Variants in PSD observed in about 807,000 individuals in gnomAD.
The protein encoded by PSD is PH and SEC7 domain-containing protein 1.
In PSD, 32 loss-of-function variants were observed where a neutral mutation model predicts 91.6. That is an observed-to-expected ratio of 0.35 (90% CI 0.26 to 0.47). PSD has a LOEUF of 0.47. Ranked by LOEUF, PSD falls within the 20% of genes least tolerant of loss-of-function variation. PSD has a pLI of 1.00. For missense variants in PSD, 1,099 were observed against 1,373.9 expected (o/e 0.80, Z 3.16); for synonymous variants, 532 against 569.3 (o/e 0.93, Z 0.93).
In PSD at chr10:102,403,298, T is replaced by G. The variant is rs750387974; in HGVS notation, c.2977A>C (p.Ser993Arg). ...TEDGLPPSHS[S>R]PSLQPKPSSQ... ...GAGGGTTTGGGCTGCAGGGAGGGAC[T>G]GGAGTGAGAAGGAGGGAGTCCATCC... Residue 993 changes from serine to arginine, a missense_variant, in exon 17 of 17, where the codon AGT (serine) becomes CGT (arginine). By Grantham distance (110) the Ser-to-Arg change is moderately radical. Coordinates refer to ENST00000020673, the MANE Select transcript of PSD (RefSeq NM_002779.5). This position sits in a 1 kb window ranked among gnomAD's most constrained non-coding sequence, Gnocchi z 6.7. 2.5e-6 allele frequency: 4 copies of G among 1,613,978 alleles called. No homozygotes were observed. In the South Asian group the frequency reaches 4.4e-5, roughly 18 times the overall value.
chr10:102,415,327 G>A, intron 3 of PSD, 98 bp from the exon 4 acceptor site: 1 of 1,398,390 alleles, frequency 7.2e-7, no homozygotes, highest in Non-Finnish European at 9.5e-7. Context: ...CATATTGACA[G>A]GAAGTTCTTT....
rs1374224137 is a variant in PSD at position 102,404,289 on chromosome 10, A to G, written c.2700+294T>C. Among the ~76,000 whole-genome samples, 2 of 149,666 alleles carry G rather than the reference A, an allele frequency of 1.3e-5. No homozygotes were observed. Among genetic ancestry groups the G allele is most frequent in the Non-Finnish European group, 3.0e-5 (2 of 67,728 alleles). ...CGTGAACCCGGGAGGCAGAGCTTGC[A>G]GTGAGCTGAGATCGTGCCACGGCAC... On this transcript the variant is annotated intron_variant, in intron 15 of 16. Coordinates refer to ENST00000020673, the MANE Select transcript of PSD (RefSeq NM_002779.5). The surrounding 1 kb of genome is among the most constrained non-coding windows in gnomAD (Gnocchi z 5.7).
rs1245481451 is a variant in PSD at position 102,415,157 on chromosome 10, A to G, written c.830T>C (p.Val277Ala). The change falls in exon 4 of 17, where the codon GTG becomes GCG. Residue 277 changes from valine (V) to alanine (A), a missense_variant. This residue lies in a region of PSD where 631 missense variants were observed against 728.8 expected (regional missense o/e 0.87). Transcript: ENST00000020673. The stretch of plus-strand genomic sequence containing the variant: ...CTCGGAGTACTTGGCTGCTCGCCCC[A>G]CAGCCACCCCAGAGCCCTGCCTTGA... ...VGSRQGSGVAVGRAAKYSETD... is the reference protein window; with the variant it reads ...VGSRQGSGVAAGRAAKYSETD... 6.2e-7 allele frequency: 1 copy of G among 1,613,310 alleles called. No homozygotes were observed. Among genetic ancestry groups the G allele is most frequent in the Non-Finnish European group, 8.5e-7 (1 of 1,180,010 alleles).
chr10:102,407,132 C>G (rs948182055), intron 11 of PSD, 91 bp downstream of exon 11: 9 of 1,222,268 alleles, frequency 7.4e-6, no homozygotes, highest in African/African-American at 1.6e-5. Context: ...CCCCTACCCC[C>G]ACCCAGGGCC....
rs966724924 is a variant in PSD, at chr10:102,406,000, C to G, written c.2136-464G>C. The G allele has an allele frequency of 6.2e-6, 1 of 161,356 alleles. No individual in the cohort carries two copies. The highest frequency in any genetic ancestry group is 1.4e-5 in the Non-Finnish European group (1 of 73,444). 10.0% of individuals were successfully genotyped at this position (161,356 alleles called of 1,614,324 possible). A position where few individuals can be genotyped will look rare whatever the true frequency, so the allele number is the denominator to read the frequency against. On this transcript the variant is annotated intron_variant, in intron 11 of 16. Transcript: ENST00000020673. This position sits in a 1 kb window ranked among gnomAD's most constrained non-coding sequence, Gnocchi z 5.4. ...CCTGGTCTACAGGCTCAGTCAGATA[C>G]AAAATTTCGGATTCTATCTTGTCAC...
Position 102,415,113 on chromosome 10 carries a change from G to A in PSD, c.874C>T (p.Pro292Ser), listed in dbSNP as rs1305319382. The A allele has an allele frequency of 1.2e-6, 2 of 1,613,744 alleles. No individual in the cohort carries two copies. Among genetic ancestry groups the A allele is most frequent in the African/African-American group, 1.3e-5 (1 of 74,930 alleles). The change falls in exon 4 of 17, where the codon CCC becomes TCC. Residue 292 changes from proline (P) to serine (S), a missense_variant. Transcript: ENST00000020673. ...KYSETDLDTVPLRCYRETDID... is the reference protein window; with the variant it reads ...KYSETDLDTVSLRCYRETDID... ...TCAGTCTCGCGGTAGCACCTCAGGG[G>A]CACCGTGTCCAGGTCTGTCTCGGAG...
chr10:102,407,717 T>C (rs1474886975), intron 10 of PSD, among the ~76,000 whole-genome samples: 1 of 151,984 alleles, frequency 6.6e-6, no homozygotes, highest in Non-Finnish European at 1.5e-5. Flanking sequence ...ACATAGCATA[T>C]GGGGAAACTG....
In PSD at chr10:102,416,959, G is replaced by A. The variant is rs1196256416; in HGVS notation, c.80C>T (p.Pro27Leu). The part of the protein sequence containing the change: ...SPPRCPRRWL[P>L]EGPVPQSPPA... ...GGGGCTCTGGGGCACCGGGCCTTCG[G>A]GGAGCCAGCGGCGTGGGCATCGTGG... Residue 27 changes from proline to leucine, a missense_variant, in exon 2 of 17, where the codon CCC becomes CTC. Transcript: ENST00000020673. This position sits in a 1 kb window ranked among gnomAD's most constrained non-coding sequence, Gnocchi z 6.0. 6.2e-7 allele frequency: 1 copy of A among 1,602,424 alleles called. No individual in the cohort carries two copies. The highest frequency in any genetic ancestry group is 8.5e-7 in the Non-Finnish European group (1 of 1,179,468).
chr10:102,407,108 CCT>C (rs1186544210), intron 11 of PSD, 113 bp downstream of exon 11: 1 of 909,388 alleles, frequency 1.1e-6, no homozygotes, highest in Non-Finnish European at 1.6e-6. Context: ...CCTCTCATGG[CCT>C]CTCACTCCCC....
At position 102,404,689 on chromosome 10, in the gene PSD, T is replaced by C; in HGVS notation, c.2594A>G (p.Asn865Ser). 1 of 1,602,402 alleles carries C rather than the reference T, an allele frequency of 6.2e-7. No individual in the cohort carries two copies. Among genetic ancestry groups the C allele is most frequent in the Non-Finnish European group, 8.5e-7 (1 of 1,173,504 alleles). Residue 865 changes from asparagine to serine, a missense_variant, in exon 15 of 17, where the codon AAT (asparagine) becomes AGT (serine). By Grantham distance (46) the Asn-to-Ser change is conservative. Around this residue, in one of 3 missense-constraint regions of PSD, gnomAD observed 358 missense variants for 426.5 expected, o/e 0.84. Transcript: ENST00000020673. The surrounding 1 kb of genome is among the most constrained non-coding windows in gnomAD (Gnocchi z 5.7). ...CGCAGAGAACATAGCGGCTACTACA[T>C]TGATGCGAGTGATCCAGGACTGCAT... ...EQMQSWITRI[N>S]VVAAMFSAPP...
chr10:102,415,948 C>T, intron 3 of PSD, 69 bp downstream of exon 3: 2 of 1,215,664 alleles, frequency 1.6e-6, no homozygotes, highest in Non-Finnish European at 2.3e-6. Context: ...AAGGAGGGCT[C>T]CCTACTGAGC....
At position 102,416,111 on chromosome 10, in the gene PSD, G is replaced by A. The variant is rs762228443; in HGVS notation, c.663C>T (p.Thr221=). The change falls in exon 3 of 17, where the codon ACC becomes ACT. Residue 221 remains threonine, a synonymous_variant. Coordinates refer to ENST00000020673, the MANE Select transcript of PSD (RefSeq NM_002779.5). This position sits in a 1 kb window ranked among gnomAD's most constrained non-coding sequence, Gnocchi z 6.0. ...AGGAGACTTCCCGGGGGGAGGACCA[G>A]GTATCCCCCTGAGCCAACGAGGGAG... ...ADTGFLNQGD[T]WSSPREVSSH... The A allele has an allele frequency of 6.2e-7, 1 of 1,612,790 alleles. No individual in the cohort carries two copies. The highest frequency in any genetic ancestry group is 2.2e-5 in the East Asian group (1 of 44,876).
chr10:102,419,769 G>T, upstream of PSD: 1 of 164,688 alleles, frequency 6.1e-6, no homozygotes, highest in Non-Finnish European at 1.4e-5. The surrounding 1 kb of genome is among the most constrained non-coding windows in gnomAD (Gnocchi z 4.8). Flanking sequence ...GAGGCGCGCG[G>T]CCGGAGGTGG....
chr10:102,404,707 G>C lies in PSD; in HGVS notation c.2576C>G (p.Ser859Cys), dbSNP rs1206809190. The change falls in exon 15 of 17, where the codon TCC becomes TGC. Residue 859 changes from serine to cysteine, a missense_variant. Physicochemically the swap from Ser to Cys is moderately radical, Grantham distance 112. Around this residue, in one of 3 missense-constraint regions of PSD, gnomAD observed 358 missense variants for 426.5 expected, o/e 0.84. Coordinates refer to ENST00000020673, the MANE Select transcript of PSD (RefSeq NM_002779.5). This position sits in a 1 kb window ranked among gnomAD's most constrained non-coding sequence, Gnocchi z 5.7. Reference sequence around the variant, plus strand: ...TACTACATTGATGCGAGTGATCCAGGACTGCATCTGCTCCAGGCTCCTGGG... The same window carrying C: ...TACTACATTGATGCGAGTGATCCAGCACTGCATCTGCTCCAGGCTCCTGGG... ...FQAPSLEQMQ[S>C]WITRINVVAA... 1 of 1,585,012 alleles carries C rather than the reference G, an allele frequency of 6.3e-7. No homozygotes were observed. The highest frequency in any genetic ancestry group is 1.3e-5 in the African/African-American group (1 of 74,498).
chr10:102,408,819 G>A (rs1229736730), intron 10 of PSD: 3 of 938,342 alleles, frequency 3.2e-6, no homozygotes, highest in African/African-American at 3.6e-5. Flanking sequence ...GGTTGGCACC[G>A]CCCTCGGTGC....
Position 102,416,902 on chromosome 10 carries a change from A to G in PSD, c.137T>C (p.Leu46Ser). 5 of 1,608,154 alleles carry G rather than the reference A, an allele frequency of 3.1e-6. No homozygotes were observed. Among genetic ancestry groups the G allele is most frequent in the Non-Finnish European group, 3.4e-6 (4 of 1,178,744 alleles). The part of the protein sequence containing the change: ...PASMYGSTGS[L>S]LRRVAGPGPR... ...ACCTGGACCTGCCACTCGCCGTAGC[A>G]AGGAGCCTGTGCTGCCATACATGCT... The change falls in exon 2 of 17, where the codon TTG (leucine) becomes TCG (serine). Residue 46 changes from leucine (L) to serine (S), a missense_variant. By Grantham distance (145) the Leu-to-Ser change is moderately radical (BLOSUM62 -2). This residue lies in a region of PSD where 631 missense variants were observed against 728.8 expected (regional missense o/e 0.87). Transcript: ENST00000020673. The surrounding 1 kb of genome is among the most constrained non-coding windows in gnomAD (Gnocchi z 6.0).
In PSD at chr10:102,411,830, G is replaced by C; in HGVS notation, c.1830-11C>G. 6.3e-7 allele frequency: 1 copy of C among 1,597,130 alleles called. No homozygotes were observed. The highest frequency in any genetic ancestry group is 8.6e-7 in the Non-Finnish European group (1 of 1,168,168). On this transcript the variant is annotated splice_polypyrimidine_tract_variant and intron_variant, in intron 7 of 16. Coordinates refer to ENST00000020673, the MANE Select transcript of PSD (RefSeq NM_002779.5). The stretch of plus-strand genomic sequence containing the variant: ...TCCTTCAGAAACACCCTGGAGAAGG[G>C]GCAAGAGAGGGTTGCCTAGCAACCA...
At chr10:102,412,723 T>C in intron 5 of PSD, 148 bp from the exon 6 acceptor site, 1 of 698,458 alleles carries the variant, frequency 1.4e-6, no homozygotes, top group Non-Finnish European at 2.3e-6. Context: ...GGGAAGGAGA[T>C]TAGATTCTCT....
Position 102,416,441 on chromosome 10 carries a change from G to T in PSD, c.598C>A (p.Pro200Thr), listed in dbSNP as rs754047695. The change falls in exon 2 of 17, where the codon CCT becomes ACT. Residue 200 changes from proline (P) to threonine (T), a missense_variant. Transcript: ENST00000020673. This position sits in a 1 kb window ranked among gnomAD's most constrained non-coding sequence, Gnocchi z 6.0. ...SSLPNGLGGPPERLATLFGGP... is the reference protein window; with the variant it reads ...SSLPNGLGGPTERLATLFGGP... ...CCGAAGAGTGTGGCCAGGCGCTCAG[G>T]GGGGCCCCCCAGCCCATTGGGGAGA... The T allele has an allele frequency of 1.2e-6, 2 of 1,612,324 alleles. No individual in the cohort carries two copies. The highest frequency in any genetic ancestry group is 1.1e-5 in the South Asian group (1 of 90,702).
Sources: gnomAD v4.1 joint callset for allele counts (sites outside exome capture counted in the v4.1 genomes callset) on GRCh38, gnomAD v4.1.1 for gene constraint, gnomAD v4.1.1 regional missense constraint, Gnocchi (gnomAD v3.1) non-coding constraint, MANE v1.5 for transcripts, NCBI Gene and HGNC (gene_info 2026-07-23, HGNC 2026-07-21) for gene names.